Variants in ATP6V0A4 observed in about 807,000 individuals in gnomAD.
ATP6V0A4 encodes ATPase H+ transporting V0 subunit a4.
In ATP6V0A4, 86 loss-of-function variants were observed where a neutral mutation model predicts 107.3. The ratio of observed to expected loss-of-function variants is 0.80; its 90% CI spans 0.67 to 0.96. ATP6V0A4 has a LOEUF of 0.96. ATP6V0A4 is among the 40% of genes least tolerant of loss of function. The pLI is 0.00. For synonymous variants in ATP6V0A4, 353 were observed against 381.4 expected, an observed-to-expected ratio of 0.93 and a Z score of 0.87; for missense variants, 908 against 1,045.6, an observed-to-expected ratio of 0.87 and a Z score of 1.81.
rs1449157481 is a variant in ATP6V0A4 at position 138,749,093 on chromosome 7, C to T, written c.1180+74G>A. 1.2e-5 allele frequency: 19 copies of T among 1,571,340 alleles called. No homozygotes were observed. In the African/African-American group the frequency reaches 1.4e-4, roughly 11 times the overall value. On this transcript the variant is annotated intron_variant, in intron 12 of 21. Coordinates refer to ENST00000310018, the MANE Select transcript of ATP6V0A4 (RefSeq NM_020632.3). The stretch of plus-strand genomic sequence containing the variant: ...CACAGTTTTAACAAGTTCACCACCT[C>T]GGTCACCTCAGGGGTCCATCTTACC...
chr7:138,737,407 T>C (rs995023997), intron 15 of ATP6V0A4, among the ~76,000 whole-genome samples: 2 of 151,654 alleles, frequency 1.3e-5, no homozygotes, highest in African/African-American at 4.8e-5. Flanking sequence ...ACCATCATTG[T>C]GTGGCCTCCC....
intron 2 of ATP6V0A4, among the ~76,000 whole-genome samples, chr7:138,781,807 T>A (rs764452432): frequency 6.0e-4 from 91 of 151,414 alleles, no homozygotes; most frequent in Non-Finnish European, 9.3e-4. Context: ...TTCTCAGCAA[T>A]TTTTTTTAAA....
intron 18 of ATP6V0A4, among the ~76,000 whole-genome samples, chr7:138,723,095 T>C (rs985904919): frequency 4.7e-5 from 7 of 150,246 alleles, no homozygotes; most frequent in African/African-American, 9.8e-5. Flanking sequence ...CCCAAGATCA[T>C]ACAGCTGGCA....
Position 138,733,081 on chromosome 7 carries a change from T to C in ATP6V0A4, c.1704A>G (p.Arg568=), listed in dbSNP as rs1308347795. The C allele has an allele frequency of 6.2e-7, 1 of 1,613,936 alleles. No individual in the cohort carries two copies. Among genetic ancestry groups the C allele is most frequent in the South Asian group, 1.1e-5 (1 of 91,070 alleles). The change falls in exon 17 of 22, where the codon AGA becomes AGG. Residue 568 remains arginine (R), a synonymous_variant. Coordinates refer to ENST00000310018, the MANE Select transcript of ATP6V0A4 (RefSeq NM_020632.3). Reference sequence around the variant, plus strand: ...TAAATTGCAGAATGATGTTGAGAGTTCTTCTGAAGTATCTGGGGGTGGAAG... The same window carrying C: ...TAAATTGCAGAATGATGTTGAGAGTCCTTCTGAAGTATCTGGGGGTGGAAG... The part of the protein sequence containing the change: ...LSLFNHIYFR[R]TLNIILQFIP...
intron 13 of ATP6V0A4, 98 bp downstream of exon 13, chr7:138,747,327 T>C: frequency 1.4e-6 from 2 of 1,472,782 alleles, no homozygotes; most frequent in Non-Finnish European, 1.9e-6. Flanking sequence ...TTCTCTCCTT[T>C]ATTTTTCATA....
At chr7:138,750,649 C>T (rs1806175802) in intron 11 of ATP6V0A4, among the ~76,000 whole-genome samples, 1 of 152,252 alleles carries the variant, frequency 6.6e-6, no homozygotes. Context: ...CTTCAATCCT[C>T]CTCTGCTTTC....
chr7:138,790,573 G>C (rs1392440150), intron 1 of ATP6V0A4, among the ~76,000 whole-genome samples: 3 of 152,180 alleles, frequency 2.0e-5, no homozygotes, highest in Non-Finnish European at 4.4e-5. Context: ...GGGATTTTAG[G>C]TGTGAGCCAC....
intron 19 of ATP6V0A4, among the ~76,000 whole-genome samples, chr7:138,718,200 GGGTGTGTGTGTGTGTGTGTGTGTGTGTGT>G (rs1804184411): frequency 6.3e-5 from 4 of 63,314 alleles, no homozygotes; most frequent in East Asian, 5.6e-4. Flanking sequence ...AGGAAGGAAT[GGGTGTGTGTGTGTGTGTGTGTGTGTGTGT>G]GCGCGCAGTT....
rs10234488 is a variant in ATP6V0A4, at chr7:138,712,643, G to A, written c.2258-2848C>T. Among the ~76,000 whole-genome samples, 1,481 of 152,262 alleles carry A rather than the reference G, an allele frequency of 9.7e-3. 22 individuals carry two copies. The highest frequency in any genetic ancestry group is 0.034 in the African/African-American group (1,398 of 41,552). On this transcript the variant is annotated intron_variant, in intron 20 of 21. Transcript: ENST00000310018. ...ATTACCTCTTTAAGCAACTGTGTTA[G>A]TATGGACTGGAAGCCACGTCTAGCA...
intron 1 of ATP6V0A4, among the ~76,000 whole-genome samples, chr7:138,796,144 A>T (rs1017709346): frequency 1.6e-4 from 24 of 152,102 alleles, no homozygotes; most frequent in African/African-American, 5.6e-4. Flanking sequence ...TGTTCTACTA[A>T]GCAGCGTCCT....
chr7:138,748,836 T>C (rs1425922189), intron 12 of ATP6V0A4, among the ~76,000 whole-genome samples: 2 of 152,192 alleles, frequency 1.3e-5, no homozygotes, highest in African/African-American at 4.8e-5. Context: ...TGCCAAGATA[T>C]GGCCCTCATT....
At chr7:138,786,770 A>C (rs1808196735) in intron 1 of ATP6V0A4, among the ~76,000 whole-genome samples, 1 of 152,114 alleles carries the variant, frequency 6.6e-6, no homozygotes, top group Non-Finnish European at 1.5e-5. Flanking sequence ...CTGGGATTAC[A>C]GGCATGAGCC....
At chr7:138,758,604 T>C (rs1806624714) in intron 8 of ATP6V0A4, among the ~76,000 whole-genome samples, 1 of 152,208 alleles carries the variant, frequency 6.6e-6, no homozygotes, top group South Asian at 2.1e-4. Context: ...AACAACTGTA[T>C]GGCACTAAGG....
At chr7:138,735,009 G>A (rs764486936) in intron 15 of ATP6V0A4, among the ~76,000 whole-genome samples, 5 of 152,072 alleles carry the variant, frequency 3.3e-5, no homozygotes, top group African/African-American at 4.8e-5. Context: ...TTGCAAGCAC[G>A]ATGCGTAAGA....
intron 18 of ATP6V0A4, among the ~76,000 whole-genome samples, chr7:138,722,912 G>C (rs958975967): frequency 6.6e-6 from 1 of 151,458 alleles, no homozygotes; most frequent in Admixed American, 6.6e-5. Flanking sequence ...ACAAAAATTA[G>C]TTGGGCATGG....
chr7:138,787,972 C>T (rs1396169245), intron 1 of ATP6V0A4, among the ~76,000 whole-genome samples: 1 of 151,918 alleles, frequency 6.6e-6, no homozygotes, highest in Non-Finnish European at 1.5e-5. Flanking sequence ...TGCACTCCAC[C>T]CTGGGCAATA....
At chr7:138,775,074 G>T (rs1316331180) in intron 2 of ATP6V0A4, among the ~76,000 whole-genome samples, 1 of 152,122 alleles carries the variant, frequency 6.6e-6, no homozygotes, top group Non-Finnish European at 1.5e-5. Flanking sequence ...CCAGGGTGGT[G>T]CACAGATCCC....
Position 138,763,192 on chromosome 7 carries a change from C to G in ATP6V0A4, c.292-167G>C, listed in dbSNP as rs536110463. ...ACACACACAGACACACACAGACACA[C>G]ACACACACACACACACACACGTGCA... is the stretch of plus-strand genomic sequence containing the variant. On this transcript the variant is annotated intron_variant, in intron 5 of 21. Coordinates refer to ENST00000310018, the MANE Select transcript of ATP6V0A4 (RefSeq NM_020632.3). 816 of 326,816 alleles carry G rather than the reference C, an allele frequency of 2.5e-3. 3 individuals are homozygous for G. Among genetic ancestry groups the G allele is most frequent in the African/African-American group, 0.016 (736 of 44,634 alleles). The allele number at this position is 326,816 out of a possible 1,614,324, so 20.2% of individuals were successfully genotyped here.
intron 18 of ATP6V0A4, among the ~76,000 whole-genome samples, chr7:138,725,381 T>C (rs1368021383): frequency 6.6e-6 from 1 of 152,162 alleles, no homozygotes. Context: ...TGAGAGAAGA[T>C]AGATCCCAAA....
Sources: gnomAD v4.1 joint callset for allele counts (sites outside exome capture counted in the v4.1 genomes callset) on GRCh38, gnomAD v4.1.1 for gene constraint, MANE v1.5 for transcripts, NCBI Gene and HGNC (gene_info 2026-07-23, HGNC 2026-07-21) for gene names.